Variants in KIAA0825 observed in about 807,000 individuals in gnomAD.
KIAA0825 encodes the protein KIAA0825.
A neutral mutation model predicts 147.6 loss-of-function variants in KIAA0825; 119 were observed. The observed-to-expected ratio is 0.81, with a 90% CI of 0.69 to 0.94. The LOEUF (loss-of-function observed/expected upper bound fraction) is 0.94, where lower values mean the gene tolerates loss of function less well. Ranked by LOEUF, KIAA0825 falls within the 40% of genes least tolerant of loss-of-function variation. The probability of loss-of-function intolerance (pLI) is 0.00; values close to 1 mark genes in which losing one functional copy is unlikely to be tolerated. For missense variants in KIAA0825, 1,381 were observed against 1,472.7 expected (o/e 0.94, Z 1.02); for synonymous variants, 470 against 518.1 (o/e 0.91, Z 1.26).
chr5:94,492,293 C>T (rs374371002), intron 5 of KIAA0825, among the ~76,000 whole-genome samples: 61 of 152,320 alleles, frequency 4.0e-4, no homozygotes, highest in African/African-American at 1.4e-3. Flanking sequence ...GGACAAATTA[C>T]TTAGTCTCTT....
intron 20 of KIAA0825, among the ~76,000 whole-genome samples, chr5:94,262,764 A>G (rs191278501): frequency 1.3e-5 from 2 of 152,212 alleles, no homozygotes; most frequent in East Asian, 1.9e-4. Context: ...ATACATACAC[A>G]TCTCTCATTG....
intron 2 of KIAA0825, among the ~76,000 whole-genome samples, chr5:94,575,683 A>G (rs572021673): frequency 6.6e-4 from 101 of 152,346 alleles, no homozygotes; most frequent in African/African-American, 2.4e-3. Flanking sequence ...TGACTAAAAT[A>G]AAGAGGTGGA....
At chr5:94,310,020 T>G (rs191285111) in intron 20 of KIAA0825, among the ~76,000 whole-genome samples, 5 of 151,868 alleles carry the variant, frequency 3.3e-5, no homozygotes, top group Admixed American at 2.0e-4. Flanking sequence ...ATAATTGACA[T>G]ATTATGTTCA....
intron 20 of KIAA0825, among the ~76,000 whole-genome samples, chr5:94,305,395 T>G (rs1778659648): frequency 1.3e-5 from 2 of 151,940 alleles, no homozygotes; most frequent in African/African-American, 4.8e-5. Context: ...ACACAGTGTT[T>G]CACAGCCATC....
chr5:94,333,832 A>G (rs1781521538), intron 20 of KIAA0825, among the ~76,000 whole-genome samples: 1 of 152,206 alleles, frequency 6.6e-6, no homozygotes, highest in South Asian at 2.1e-4. Context: ...CCAAATCATG[A>G]GTGAACTTCC....
chr5:94,317,167 T>C (rs548080639), intron 20 of KIAA0825, among the ~76,000 whole-genome samples: 116 of 151,802 alleles, frequency 7.6e-4, no homozygotes, highest in South Asian at 5.0e-3. Flanking sequence ...ACTGTAAAAA[T>C]CATCTAAGTG....
chr5:94,311,380 C>A (rs923012640), intron 20 of KIAA0825, among the ~76,000 whole-genome samples: 2 of 151,256 alleles, frequency 1.3e-5, no homozygotes, highest in Non-Finnish European at 3.0e-5. Flanking sequence ...CTTGTTCAAA[C>A]CTACATTCAT....
intron 15 of KIAA0825, among the ~76,000 whole-genome samples, chr5:94,410,369 G>A (rs1752606988): frequency 6.6e-6 from 1 of 152,128 alleles, no homozygotes; most frequent in South Asian, 2.1e-4. Context: ...ACGAAATTGA[G>A]TCCCAGAAAA....
intron 20 of KIAA0825, among the ~76,000 whole-genome samples, chr5:94,307,078 C>T (rs1384991521): frequency 6.6e-6 from 1 of 151,732 alleles, no homozygotes. Flanking sequence ...TATCTTGTTA[C>T]CCATATCTTC....
At chr5:94,199,809 G>T (rs1771496910) in intron 20 of KIAA0825, among the ~76,000 whole-genome samples, 1 of 152,184 alleles carries the variant, frequency 6.6e-6, no homozygotes, top group Middle Eastern at 3.2e-3. Context: ...ACCAGTGGAG[G>T]TCTGTCTGCA....
At chr5:94,453,191 G>A (rs1321833784) in intron 12 of KIAA0825, 122 bp from the exon 13 acceptor site, 1 of 624,590 alleles carries the variant, frequency 1.6e-6, no homozygotes, top group African/African-American at 2.0e-5. Context: ...TCTTTGTTTG[G>A]AGACAGAGTC....
chr5:94,523,116 T>C lies in KIAA0825; in HGVS notation c.300+814A>G, dbSNP rs371444199. On this transcript the variant is annotated intron_variant, in intron 4 of 20. Transcript: ENST00000682413. ...TGAAATAATAACAACAGGCAAAAAC[T>C]ATTTTCATCTGATTCTGTCATCCTA... Among the ~76,000 whole-genome samples the C allele has an allele frequency of 2.2e-4, 34 of 151,762 alleles. No homozygotes were observed. In the East Asian group the frequency reaches 4.8e-3, roughly 22 times the overall value.
chr5:94,550,131 T>C (rs1389212899), intron 2 of KIAA0825, among the ~76,000 whole-genome samples: 1 of 151,996 alleles, frequency 6.6e-6, no homozygotes, highest in Non-Finnish European at 1.5e-5. Context: ...TTATGTTAAA[T>C]GAAAAAAACC....
At chr5:94,350,381 C>A (rs964962927) in intron 20 of KIAA0825, among the ~76,000 whole-genome samples, 1 of 152,132 alleles carries the variant, frequency 6.6e-6, no homozygotes, top group Non-Finnish European at 1.5e-5. Flanking sequence ...ATCCTTTTGA[C>A]ACTATTCCAC....
Position 94,505,361 on chromosome 5 carries a change from TA to T in KIAA0825, c.970+14886del, listed in dbSNP as rs530402018. Among the ~76,000 whole-genome samples the T allele has an allele frequency of 6.8e-3, 918 of 135,896 alleles. 1 individual carries two copies. Among genetic ancestry groups the T allele is most frequent in the African/African-American group, 0.01 (371 of 36,688 alleles). 89.2% of individuals were successfully genotyped at this position (135,896 alleles called of 152,430 possible). ...GGGTGGCAGAGCGAGACTCTGTCTT[TA>T]AAAAAAAAAAAAAAAAGTTAATCTC... is the stretch of plus-strand genomic sequence containing the variant. On this transcript the variant is annotated intron_variant, in intron 5 of 20. Coordinates refer to ENST00000682413, the MANE Select transcript of KIAA0825 (RefSeq NM_001145678.3).
Position 94,224,082 on chromosome 5 carries a change from C to CTTTTTTTTT in KIAA0825, c.3711-69967_3711-69959dup, listed in dbSNP as rs869059424. Among the ~76,000 whole-genome samples the CTTTTTTTTT allele has an allele frequency of 2.6e-3, 146 of 56,476 alleles. 1 individual carries two copies. Among genetic ancestry groups the CTTTTTTTTT allele is most frequent in the Admixed American group, 5.0e-3 (17 of 3,396 alleles). The allele number at this position is 56,476 out of a possible 152,430, so 37.1% of individuals were successfully genotyped here. A position where few individuals can be genotyped will look rare whatever the true frequency, so the allele number is the denominator to read the frequency against. On this transcript the variant is annotated intron_variant, in intron 20 of 20. Transcript: ENST00000682413. ...TTTCTTTTCTCTTTCTTTTTCTTTT[C>CTTTTTTTTT]TTTTTTTTTTTTTTTTTTTTTTTTT...
chr5:94,389,792 G>C (rs1265675939), intron 18 of KIAA0825, among the ~76,000 whole-genome samples: 1 of 152,124 alleles, frequency 6.6e-6, no homozygotes, highest in African/African-American at 2.4e-5. Context: ...TGTGTTGTTT[G>C]GGCTTATTGC....
chr5:94,318,403 A>G (rs957876955), intron 20 of KIAA0825, among the ~76,000 whole-genome samples: 1 of 151,940 alleles, frequency 6.6e-6, no homozygotes, highest in African/African-American at 2.4e-5. Context: ...AAATTGAAAT[A>G]CATTTTCTCA....
intron 2 of KIAA0825, among the ~76,000 whole-genome samples, chr5:94,544,743 T>C (rs1029479377): frequency 1.3e-5 from 2 of 151,980 alleles, no homozygotes; most frequent in East Asian, 3.9e-4. Flanking sequence ...ATGCAAAAAA[T>C]TATGAGACTT....
Sources: gnomAD v4.1 joint callset for allele counts (sites outside exome capture counted in the v4.1 genomes callset) on GRCh38, gnomAD v4.1.1 for gene constraint, MANE v1.5 for transcripts, NCBI Gene and HGNC (gene_info 2026-07-23, HGNC 2026-07-21) for gene names.